ARHGAP24: variants seen among roughly 807,000 people sequenced by gnomAD.
ARHGAP24 encodes rho GTPase-activating protein 24.
ARHGAP24 carries 50 observed loss-of-function variants against 76.4 expected under a neutral mutation model. The ratio of observed to expected loss-of-function variants is 0.65; its 90% CI spans 0.52 to 0.83. ARHGAP24 has a LOEUF of 0.83. Ranked by LOEUF, ARHGAP24 falls within the 40% of genes least tolerant of loss-of-function variation. The pLI, the probability that ARHGAP24 is intolerant of heterozygous loss-of-function variation, is 0.00. For synonymous variants in ARHGAP24, 345 were observed against 323.3 expected (o/e 1.07, Z -0.72); for missense variants, 930 against 914.2 (o/e 1.02, Z -0.22).
chr4:85,822,505 A>T (rs1729517213), intron 3 of ARHGAP24, among the ~76,000 whole-genome samples: 2 of 152,192 alleles, frequency 1.3e-5, no homozygotes, highest in Admixed American at 1.3e-4. Context: ...AAAATACAAA[A>T]TAAGACACAG....
At chr4:85,731,796 G>T (rs1161390662) in intron 3 of ARHGAP24, among the ~76,000 whole-genome samples, 1 of 152,130 alleles carries the variant, frequency 6.6e-6, no homozygotes, top group Non-Finnish European at 1.5e-5. Context: ...TGGTGGATAT[G>T]CAAATTATCC....
chr4:85,706,216 C>CT (rs1028362452), intron 2 of ARHGAP24, among the ~76,000 whole-genome samples: 19 of 151,682 alleles, frequency 1.3e-4, no homozygotes, highest in African/African-American at 2.9e-4. Flanking sequence ...TAGAGAAATT[C>CT]TTTTTTTTGA....
At chr4:85,577,622 A>C (rs187039087) in intron 2 of ARHGAP24, among the ~76,000 whole-genome samples, 1 of 152,326 alleles carries the variant, frequency 6.6e-6, no homozygotes, top group East Asian at 1.9e-4. Flanking sequence ...AGTAATACCA[A>C]GCATTTGTGA....
chr4:85,698,218 T>G (rs72972875), intron 2 of ARHGAP24, among the ~76,000 whole-genome samples: 6,396 of 152,260 alleles, frequency 0.042, 426 homozygotes, highest in African/African-American at 0.15. Flanking sequence ...GCTTGGCTTC[T>G]TACCAGAGCA....
intron 3 of ARHGAP24, among the ~76,000 whole-genome samples, chr4:85,812,418 A>G (rs1489736974): frequency 1.3e-5 from 2 of 152,118 alleles, no homozygotes; most frequent in African/African-American, 2.4e-5. Flanking sequence ...GATTATTTTC[A>G]TACCATCCAT....
intron 2 of ARHGAP24, among the ~76,000 whole-genome samples, chr4:85,616,978 T>A (rs1720562485): frequency 6.6e-6 from 1 of 151,548 alleles, no homozygotes; most frequent in Non-Finnish European, 1.5e-5. Flanking sequence ...TTATAAGAAA[T>A]AAACATTTGC....
chr4:85,753,913 C>T (rs953115652), intron 3 of ARHGAP24, among the ~76,000 whole-genome samples: 6 of 152,146 alleles, frequency 3.9e-5, no homozygotes, highest in African/African-American at 1.4e-4. Context: ...GGAAACATTA[C>T]AATTATTCTG....
intron 3 of ARHGAP24, among the ~76,000 whole-genome samples, chr4:85,752,398 A>T (rs561989232): frequency 1.3e-5 from 2 of 152,310 alleles, no homozygotes; most frequent in Admixed American, 1.3e-4. Context: ...CAACTCCATG[A>T]AGCACACATT....
At chr4:85,600,297 G>T (rs912902416) in intron 2 of ARHGAP24, among the ~76,000 whole-genome samples, 8 of 152,146 alleles carry the variant, frequency 5.3e-5, no homozygotes, top group Non-Finnish European at 1.0e-4. Flanking sequence ...TCTTGTTAAG[G>T]ATATATTGTT....
At position 85,875,576 on chromosome 4, in the gene ARHGAP24, TATA is replaced by T. The variant is rs1371900317; in HGVS notation, c.269-48068_269-48066del. ...TATTATATTTTTATATTATATAATA[TATA>T]ATATATATTTTATATTATATTTTTA... On this transcript the variant is annotated intron_variant, in intron 3 of 9. Transcript: ENST00000395184. 3.7e-5 allele frequency among the ~76,000 whole-genome samples: 4 copies of T among 107,816 alleles called. 2 individuals carry two copies. The highest frequency in any genetic ancestry group is 1.5e-4 in the African/African-American group (4 of 26,564). The allele number at this position is 107,816 out of a possible 152,430, so 70.7% of individuals were successfully genotyped here.
chr4:85,945,643 C>A (rs939961884), intron 5 of ARHGAP24, among the ~76,000 whole-genome samples: 1 of 151,026 alleles, frequency 6.6e-6, no homozygotes, highest in South Asian at 2.1e-4. Flanking sequence ...ACCTGTAATC[C>A]CAGCTGCTTG....
intron 7 of ARHGAP24, among the ~76,000 whole-genome samples, chr4:85,976,779 CTTTT>C (rs200270054): frequency 6.9e-5 from 9 of 130,432 alleles, no homozygotes; most frequent in Admixed American, 1.5e-4. Context: ...TTTTATTTCT[CTTTT>C]TTTTTTTTTT....
At chr4:85,750,670 AT>A (rs1186700764) in intron 3 of ARHGAP24, among the ~76,000 whole-genome samples, 1 of 151,322 alleles carries the variant, frequency 6.6e-6, no homozygotes, top group Non-Finnish European at 1.5e-5. Flanking sequence ...TAATGTTTGG[AT>A]TTTTTGTAGA....
intron 3 of ARHGAP24, among the ~76,000 whole-genome samples, chr4:85,769,616 C>T (rs1727055076): frequency 6.6e-6 from 1 of 151,288 alleles, no homozygotes; most frequent in Non-Finnish European, 1.5e-5. Flanking sequence ...AGTGGTTAAT[C>T]CTTTTTTTCT....
At chr4:85,629,042 C>G (rs1024376721) in intron 2 of ARHGAP24, among the ~76,000 whole-genome samples, 3 of 152,078 alleles carry the variant, frequency 2.0e-5, no homozygotes, top group African/African-American at 7.2e-5. Context: ...TGTTCTTTCT[C>G]TCTTGCTGAC....
chr4:85,530,540 G>A (rs2078679627), intron 1 of ARHGAP24, among the ~76,000 whole-genome samples: 1 of 151,742 alleles, frequency 6.6e-6, no homozygotes, highest in East Asian at 1.9e-4. Flanking sequence ...GAAAGCATTT[G>A]TCGACTGTTT....
intron 2 of ARHGAP24, among the ~76,000 whole-genome samples, chr4:85,659,552 A>G (rs1722302858): frequency 6.6e-6 from 1 of 152,220 alleles, no homozygotes; most frequent in South Asian, 2.1e-4. Flanking sequence ...TATAGCGGCC[A>G]TATTAATGTT....
intron 4 of ARHGAP24, among the ~76,000 whole-genome samples, chr4:85,927,584 T>C (rs927082655): frequency 1.3e-5 from 2 of 152,222 alleles, no homozygotes; most frequent in Admixed American, 1.3e-4. Context: ...ATCTTAGTTA[T>C]GAAACCCAGG....
intron 1 of ARHGAP24, among the ~76,000 whole-genome samples, chr4:85,523,014 G>A (rs536852111): frequency 5.9e-5 from 9 of 152,194 alleles, no homozygotes; most frequent in South Asian, 4.1e-4. Flanking sequence ...CTGGTCATTC[G>A]ACTCTTTGGT....
Sources: gnomAD v4.1 joint callset for allele counts (sites outside exome capture counted in the v4.1 genomes callset) on GRCh38, gnomAD v4.1.1 for gene constraint, MANE v1.5 for transcripts, NCBI Gene and HGNC (gene_info 2026-07-23, HGNC 2026-07-21) for gene names.